Variants in PTDSS1 observed in about 807,000 individuals in gnomAD.
PTDSS1 encodes the protein PSS-1.
Under a neutral mutation model 70.5 loss-of-function variants are expected in PTDSS1, and 45 were observed. The observed-to-expected ratio is 0.64, with a 90% CI of 0.50 to 0.82. The LOEUF (loss-of-function observed/expected upper bound fraction) is 0.82, where lower values mean the gene tolerates loss of function less well. PTDSS1 is among the 40% of genes least tolerant of loss of function. The pLI is 0.00. For missense variants in PTDSS1, 417 were observed against 586.1 expected, an observed-to-expected ratio of 0.71 and a Z score of 2.98; for synonymous variants, 188 against 203.8, an observed-to-expected ratio of 0.92 and a Z score of 0.66.
At chr8:96,264,472 T>G (rs1810459074) in intron 1 of PTDSS1, among the ~76,000 whole-genome samples, 1 of 152,182 alleles carries the variant, frequency 6.6e-6, no homozygotes, top group Non-Finnish European at 1.5e-5. Context: ...ACTGGAAAAA[T>G]GGACATTAGA....
intron 6 of PTDSS1, among the ~76,000 whole-genome samples, chr8:96,302,437 A>T (rs1232242530): frequency 6.6e-6 from 1 of 152,200 alleles, no homozygotes; most frequent in Non-Finnish European, 1.5e-5. Context: ...TTGAGCCTTG[A>T]ATCAGTCCTG....
At chr8:96,292,597 A>G (rs190787152) in intron 4 of PTDSS1, among the ~76,000 whole-genome samples, 27 of 152,294 alleles carry the variant, frequency 1.8e-4, no homozygotes, top group African/African-American at 5.1e-4. Context: ...GTGTATGAAA[A>G]GGCCATGGAA....
At chr8:96,286,928 CT>C in intron 3 of PTDSS1, 93 bp from the exon 4 acceptor site, 1 of 1,479,328 alleles carries the variant, frequency 6.8e-7, no homozygotes, top group Non-Finnish European at 9.3e-7. Flanking sequence ...ATCTTAGTGT[CT>C]GGTTTTGGCA....
At chr8:96,264,041 A>G (rs1252171278) in intron 1 of PTDSS1, among the ~76,000 whole-genome samples, 3 of 152,218 alleles carry the variant, frequency 2.0e-5, no homozygotes, top group Non-Finnish European at 4.4e-5. Context: ...TTACTATAAA[A>G]TCTGCTAAAG....
At chr8:96,284,204 T>G in intron 3 of PTDSS1, 51 bp downstream of exon 3, 2 of 1,500,344 alleles carry the variant, frequency 1.3e-6, no homozygotes, top group Non-Finnish European at 1.8e-6. Context: ...TTAATCTTTT[T>G]TCTGCTTATC....
intron 10 of PTDSS1, 134 bp downstream of exon 10, chr8:96,320,479 G>T: frequency 1.3e-6 from 1 of 785,720 alleles, no homozygotes; most frequent in Non-Finnish European, 2.1e-6. Flanking sequence ...ACTTGTAATT[G>T]TCTGAGACTG....
Position 96,310,770 on chromosome 8 carries a change from C to CT in PTDSS1, c.1073+1159dup, listed in dbSNP as rs915267799. Reference sequence around the variant, plus strand: ...CTTGTTATGGATTCAAATGTTATATCTTTTTTTTTTTCTTTTTGAGACGGA... The same window carrying CT: ...CTTGTTATGGATTCAAATGTTATATCTTTTTTTTTTTTCTTTTTGAGACGGA... On this transcript the variant is annotated intron_variant, in intron 9 of 12. Transcript: ENST00000517309. Among the ~76,000 whole-genome samples, 280 of 147,374 alleles carry CT rather than the reference C, an allele frequency of 1.9e-3. 4 individuals carry two copies. Among genetic ancestry groups the CT allele is most frequent in the African/African-American group, 5.0e-3 (202 of 40,388 alleles).
At chr8:96,276,964 A>ACACG (rs1342320398) in intron 2 of PTDSS1, among the ~76,000 whole-genome samples, 52 of 127,788 alleles carry the variant, frequency 4.1e-4, no homozygotes, top group African/African-American at 1.3e-3. Flanking sequence ...GGGCACATAC[A>ACACG]CGCGCGCACG....
intron 2 of PTDSS1, among the ~76,000 whole-genome samples, chr8:96,282,827 G>A (rs1200416146): frequency 6.6e-6 from 1 of 152,200 alleles, no homozygotes; most frequent in Non-Finnish European, 1.5e-5. Context: ...TAAAGAGCCT[G>A]TTAAAGACTA....
intron 5 of PTDSS1, 150 bp downstream of exon 5, chr8:96,295,406 T>A (rs765137123): frequency 2.3e-6 from 2 of 864,836 alleles, no homozygotes; most frequent in Non-Finnish European, 1.6e-6. Flanking sequence ...GAATATTTAA[T>A]ACTTCTGTTT....
At chr8:96,332,010 T>C (rs73698572) in intron 12 of PTDSS1, among the ~76,000 whole-genome samples, 6,242 of 107,742 alleles carry the variant, frequency 0.058, 470 homozygotes, top group African/African-American at 0.2. Flanking sequence ...AACAAGTCCC[T>C]GCCTCTTAAA....
chr8:96,313,323 C>G (rs986487821), intron 9 of PTDSS1, among the ~76,000 whole-genome samples: 1 of 152,190 alleles, frequency 6.6e-6, no homozygotes, highest in African/African-American at 2.4e-5. Flanking sequence ...GGATCCCTAA[C>G]AGAGAGAAAG....
intron 9 of PTDSS1, 129 bp downstream of exon 9, chr8:96,309,751 A>G (rs1415082215): frequency 1.7e-6 from 1 of 583,094 alleles, no homozygotes; most frequent in Non-Finnish European, 3.1e-6. Context: ...TAGATTTTAT[A>G]TATCTATATC....
chr8:96,331,401 C>T (rs1359738233), intron 12 of PTDSS1, among the ~76,000 whole-genome samples: 8 of 151,590 alleles, frequency 5.3e-5, no homozygotes, highest in Admixed American at 1.3e-4. Flanking sequence ...TGGTGGCGGG[C>T]GCCTGTAGTC....
rs1311176423 is a variant in PTDSS1 at position 96,287,131 on chromosome 8, G to A, written c.426G>A (p.Arg142=). The change falls in exon 4 of 13, where the codon AGG becomes AGA. Residue 142 remains arginine, a synonymous_variant. Coordinates refer to ENST00000517309, the MANE Select transcript of PTDSS1 (RefSeq NM_014754.3). ...ATCCAAATCTTCGATACGCCACAAG[G>A]GAAGCAGATGTCATGGTATGTACTT... ...WLDPNLRYAT[R]EADVMEYAVN... 6.2e-7 allele frequency: 1 copy of A among 1,614,170 alleles called. No individual in the cohort carries two copies. The highest frequency in any genetic ancestry group is 1.7e-5 in the Admixed American group (1 of 60,030).
intron 2 of PTDSS1, among the ~76,000 whole-genome samples, chr8:96,279,250 G>T (rs547488626): frequency 1.3e-5 from 2 of 151,806 alleles, no homozygotes; most frequent in African/African-American, 4.8e-5. Flanking sequence ...CAAAGTGTTG[G>T]GATTACAGGC....
At chr8:96,272,905 C>G (rs552519611) in intron 1 of PTDSS1, among the ~76,000 whole-genome samples, 28 of 152,244 alleles carry the variant, frequency 1.8e-4, no homozygotes, top group African/African-American at 6.3e-4. Flanking sequence ...TGTTGAGCCT[C>G]CCTACCTAAG....
intron 1 of PTDSS1, among the ~76,000 whole-genome samples, chr8:96,269,350 T>C (rs1810529697): frequency 6.6e-6 from 1 of 152,188 alleles, no homozygotes; most frequent in Non-Finnish European, 1.5e-5. Flanking sequence ...AACTGTTAAA[T>C]AAAACACCAG....
chr8:96,314,556 C>T (rs918767205), intron 9 of PTDSS1, among the ~76,000 whole-genome samples: 4 of 152,084 alleles, frequency 2.6e-5, no homozygotes, highest in Non-Finnish European at 5.9e-5. Context: ...CACACCCCAC[C>T]CCCTGCACTC....
Sources: allele counts gnomAD v4.1 joint callset (sites outside exome capture counted in the v4.1 genomes callset), GRCh38; gene constraint gnomAD v4.1.1; transcripts MANE v1.5; gene names NCBI Gene and HGNC (gene_info 2026-07-23, HGNC 2026-07-21).